The following DAPK1 variants were observed in gnomAD, a reference collection of about 807,000 sequenced individuals.
DAPK1 encodes the protein death-associated protein kinase 1.
In DAPK1, 56 loss-of-function variants were observed where a neutral mutation model predicts 144.9. That is an observed-to-expected ratio of 0.39 (90% CI 0.31 to 0.48). DAPK1 has a LOEUF of 0.48. Ranked by LOEUF, DAPK1 falls within the 20% of genes least tolerant of loss-of-function variation. DAPK1 has a pLI of 0.95. For missense variants in DAPK1, 1,454 were observed against 1,875.4 expected, an observed-to-expected ratio of 0.78 and a Z score of 4.15; for synonymous variants, 690 against 749.0, an observed-to-expected ratio of 0.92 and a Z score of 1.29.
chr9:87,651,497 G>C, intron 16 of DAPK1, 30 bp from the exon 17 acceptor site: 1 of 1,611,112 alleles, frequency 6.2e-7, no homozygotes, highest in South Asian at 1.1e-5. Context: ...CAAGTGAAAA[G>C]CTCTCATGAT....
intron 2 of DAPK1, among the ~76,000 whole-genome samples, chr9:87,573,576 A>C (rs1396546226): frequency 6.6e-6 from 1 of 152,198 alleles, no homozygotes; most frequent in African/African-American, 2.4e-5. Flanking sequence ...CTTTCCCAAC[A>C]TGGCTGTGCT....
intron 2 of DAPK1, among the ~76,000 whole-genome samples, chr9:87,575,575 A>G (rs1827527079): frequency 6.6e-6 from 1 of 152,164 alleles, no homozygotes; most frequent in South Asian, 2.1e-4. Context: ...ACCTCCATGG[A>G]GGTTACAAAG....
At chr9:87,662,809 C>G (rs1830912297) in intron 18 of DAPK1, among the ~76,000 whole-genome samples, 1 of 151,730 alleles carries the variant, frequency 6.6e-6, no homozygotes, top group South Asian at 2.1e-4. Flanking sequence ...ATTTGGATGC[C>G]TCTATTCCTC....
intron 2 of DAPK1, among the ~76,000 whole-genome samples, chr9:87,571,973 G>A (rs551921683): frequency 9.2e-5 from 14 of 152,142 alleles, no homozygotes; most frequent in Non-Finnish European, 1.6e-4. Context: ...TTTTGCCTTT[G>A]TGGATCAGCC....
In DAPK1 at chr9:87,658,097, G is replaced by A. The variant is rs527809385; in HGVS notation, c.1893G>A (p.Leu631=). The A allele has an allele frequency of 9.8e-6, 15 of 1,525,866 alleles. No homozygotes were observed. In the South Asian group the frequency reaches 1.6e-4, roughly 16 times the overall value. The allele number at this position is 1,525,866 out of a possible 1,614,324, so 94.5% of individuals were successfully genotyped here. The change falls in exon 18 of 26, where the codon CTG becomes CTA. Residue 631 remains leucine, a synonymous_variant. Transcript: ENST00000408954. ...TAGACGTGGTCCGGTATCTCTGTCT[G>A]ATGGGAGCCAGCGTTGAGGCGCTGA... ...GILDVVRYLC[L]MGASVEALTT...
intron 17 of DAPK1, 63 bp from the exon 18 acceptor site, chr9:87,657,965 CG>C (rs1002671559): frequency 4.1e-6 from 3 of 731,778 alleles, no homozygotes; most frequent in Non-Finnish European, 7.6e-6. Context: ...CTTGTGTCTC[CG>C]GAATGTCATC....
intron 14 of DAPK1, 81 bp downstream of exon 14, chr9:87,647,484 A>G: frequency 1.7e-6 from 2 of 1,166,164 alleles, no homozygotes; most frequent in Non-Finnish European, 2.6e-6. Flanking sequence ...TACCGTGTGC[A>G]TCGGGACCCA....
chr9:87,497,859 G>A (rs904723551), upstream of DAPK1: 3 of 392,934 alleles, frequency 7.6e-6, no homozygotes, highest in East Asian at 3.6e-5. Context: ...GCAAGGAGCC[G>A]AGAGGCTGCT....
chr9:87,630,259 A>G (rs1829629235), intron 3 of DAPK1, among the ~76,000 whole-genome samples: 1 of 152,214 alleles, frequency 6.6e-6, no homozygotes, highest in Admixed American at 6.5e-5. Flanking sequence ...TGTGCTTTGC[A>G]TTGGTCACTT....
At chr9:87,514,683 A>G (rs137887976) in intron 2 of DAPK1, among the ~76,000 whole-genome samples, 2 of 152,358 alleles carry the variant, frequency 1.3e-5, no homozygotes, top group East Asian at 3.9e-4. Context: ...GCCCGACACG[A>G]TTAAATGTAA....
chr9:87,573,561 G>A (rs1171202531), intron 2 of DAPK1, among the ~76,000 whole-genome samples: 2 of 152,206 alleles, frequency 1.3e-5, no homozygotes, highest in Non-Finnish European at 2.9e-5. Context: ...CAGCACAGCT[G>A]AGGGCTTTCC....
chr9:87,611,061 C>G (rs570423386), intron 3 of DAPK1, among the ~76,000 whole-genome samples: 2 of 152,082 alleles, frequency 1.3e-5, no homozygotes, highest in Non-Finnish European at 2.9e-5. Flanking sequence ...TTTATGTAAG[C>G]AATAAGTTGA....
chr9:87,674,729 A>G (rs924509874), intron 19 of DAPK1, among the ~76,000 whole-genome samples: 1 of 152,184 alleles, frequency 6.6e-6, no homozygotes, highest in Non-Finnish European at 1.5e-5. Flanking sequence ...GCAAGGCCAC[A>G]TCGCCTCTCA....
intron 2 of DAPK1, among the ~76,000 whole-genome samples, chr9:87,513,479 A>G (rs1824929752): frequency 6.6e-6 from 1 of 152,232 alleles, no homozygotes; most frequent in Admixed American, 6.5e-5. Context: ...GTATGTATGT[A>G]TGTCTCTACC....
At chr9:87,558,591 G>A (rs558001868) in intron 2 of DAPK1, among the ~76,000 whole-genome samples, 1 of 152,140 alleles carries the variant, frequency 6.6e-6, no homozygotes, top group Non-Finnish European at 1.5e-5. Context: ...CGACGAAAAC[G>A]AACAATTCCT....
intron 21 of DAPK1, among the ~76,000 whole-genome samples, chr9:87,691,710 A>T (rs1424641867): frequency 6.6e-6 from 1 of 151,950 alleles, no homozygotes; most frequent in African/African-American, 2.4e-5. Flanking sequence ...GAATTTTTTT[A>T]AATTTCTCCC....
chr9:87,617,946 C>T (rs1377447057), intron 3 of DAPK1, among the ~76,000 whole-genome samples: 1 of 152,196 alleles, frequency 6.6e-6, no homozygotes, highest in Admixed American at 6.5e-5. Flanking sequence ...CCCTATTCTC[C>T]ACTGTGGCAC....
chr9:87,625,403 G>A (rs1477691406), intron 3 of DAPK1, among the ~76,000 whole-genome samples: 2 of 152,224 alleles, frequency 1.3e-5, no homozygotes, highest in Non-Finnish European at 1.5e-5. Context: ...TATTTCTGTG[G>A]TATAAATGCT....
At chr9:87,550,098 C>T (rs754300595) in intron 2 of DAPK1, among the ~76,000 whole-genome samples, 35 of 152,276 alleles carry the variant, frequency 2.3e-4, no homozygotes, top group Admixed American at 5.9e-4. Context: ...CAATTGCATT[C>T]CCTGGGTAAC....
Sources: gnomAD v4.1 joint callset for allele counts (sites outside exome capture counted in the v4.1 genomes callset) on GRCh38, gnomAD v4.1.1 for gene constraint, MANE v1.5 for transcripts, NCBI Gene and HGNC (gene_info 2026-07-23, HGNC 2026-07-21) for gene names.